Variants in PCSK5 observed in about 807,000 individuals in gnomAD.
PCSK5 encodes proprotein convertase subtilisin/kexin type 5.
A neutral mutation model predicts 233.2 loss-of-function variants in PCSK5; 129 were observed. The ratio of observed to expected loss-of-function variants is 0.55; its 90% CI spans 0.48 to 0.64. The LOEUF is 0.64. Among genes scored for constraint, PCSK5 ranks in the 30% least tolerant of loss-of-function variants. PCSK5 has a pLI of 0.00. For missense variants in PCSK5, 2,076 were observed against 2,430.1 expected (o/e 0.85, Z 3.06); for synonymous variants, 825 against 879.2 (o/e 0.94, Z 1.09).
At chr9:76,089,435 C>T (rs544880906) in intron 7 of PCSK5, among the ~76,000 whole-genome samples, 1 of 152,274 alleles carries the variant, frequency 6.6e-6, no homozygotes, top group Non-Finnish European at 1.5e-5. Context: ...CTACCACGTC[C>T]TAGTTATATG....
intron 3 of PCSK5, among the ~76,000 whole-genome samples, chr9:76,009,020 A>G (rs1176510100): frequency 2.0e-5 from 3 of 152,190 alleles, no homozygotes; most frequent in Non-Finnish European, 2.9e-5. Flanking sequence ...CTGAAATTCA[A>G]ATTTAACTGG....
chr9:75,907,485 G>C (rs1418937777), intron 1 of PCSK5, among the ~76,000 whole-genome samples: 1 of 152,148 alleles, frequency 6.6e-6, no homozygotes, highest in African/African-American at 2.4e-5. Context: ...AGGCTTCCTG[G>C]GAAATAGCCT....
At chr9:76,245,431 G>A (rs1826560493) in intron 24 of PCSK5, among the ~76,000 whole-genome samples, 1 of 152,148 alleles carries the variant, frequency 6.6e-6, no homozygotes, top group Admixed American at 6.5e-5. Flanking sequence ...TAAAAAAAGA[G>A]AACCTCTGGG....
intron 3 of PCSK5, among the ~76,000 whole-genome samples, chr9:76,017,493 G>A (rs1827998045): frequency 6.6e-6 from 1 of 152,162 alleles, no homozygotes; most frequent in Non-Finnish European, 1.5e-5. Context: ...GCAATTATCT[G>A]TGTTCAAACT....
rs1830430439 is a variant in PCSK5 at position 76,361,453 on chromosome 9, C to A, written c.*2531C>A. On this transcript the variant is annotated 3_prime_UTR_variant, in exon 38 of 38. Coordinates refer to ENST00000674117, the MANE Select transcript of PCSK5 (RefSeq NM_001372043.1). ...ATCCCAGCACTCTGGGAGGCTAAGGCAGGAGGATTGCTGACCCACCACCTG... is the reference window on the plus strand; with the variant it reads ...ATCCCAGCACTCTGGGAGGCTAAGGAAGGAGGATTGCTGACCCACCACCTG... 1.3e-5 allele frequency: 2 copies of A among 152,208 alleles called. No individual in the cohort carries two copies. Among genetic ancestry groups the A allele is most frequent in the Non-Finnish European group, 2.9e-5 (2 of 68,062 alleles). 9.4% of individuals were successfully genotyped at this position (152,208 alleles called of 1,614,324 possible).
chr9:76,190,009 C>A (rs1260041352), intron 20 of PCSK5, among the ~76,000 whole-genome samples: 1 of 152,044 alleles, frequency 6.6e-6, no homozygotes, highest in Non-Finnish European at 1.5e-5. Flanking sequence ...TTTTTGAGAG[C>A]AGTTTTAGAT....
intron 2 of PCSK5, among the ~76,000 whole-genome samples, chr9:75,978,599 G>C (rs568611557): frequency 2.6e-5 from 4 of 152,318 alleles, no homozygotes; most frequent in Non-Finnish European, 5.9e-5. Flanking sequence ...TGCTGCTACA[G>C]TAGGTGTAAA....
intron 24 of PCSK5, among the ~76,000 whole-genome samples, chr9:76,244,993 T>C (rs1198905053): frequency 6.6e-6 from 1 of 152,366 alleles, no homozygotes; most frequent in Admixed American, 6.5e-5. Flanking sequence ...TTTTAAATTA[T>C]ATTTCTTCAC....
At chr9:76,351,500 GAAAGAAAGAAAGA>G (rs1830142298) in intron 36 of PCSK5, among the ~76,000 whole-genome samples, 1 of 101,656 alleles carries the variant, frequency 9.8e-6, no homozygotes, top group African/African-American at 3.5e-5. Flanking sequence ...AAGAAAGAAA[GAAAGAAAGAAAGA>G]AAGAAAGAAA....
intron 2 of PCSK5, among the ~76,000 whole-genome samples, chr9:75,979,309 A>G (rs1177788219): frequency 1.3e-5 from 2 of 151,888 alleles, no homozygotes; most frequent in East Asian, 1.9e-4. Context: ...CAAGGGTACT[A>G]CCTCCAGATC....
intron 27 of PCSK5, among the ~76,000 whole-genome samples, chr9:76,297,914 AC>A (rs1420660556): frequency 1.3e-5 from 2 of 152,062 alleles, no homozygotes; most frequent in Non-Finnish European, 2.9e-5. Context: ...CAGCTCAGAG[AC>A]CGTGGAAAGC....
intron 25 of PCSK5, among the ~76,000 whole-genome samples, chr9:76,293,588 T>G (rs1243187302): frequency 1.3e-5 from 2 of 152,222 alleles, no homozygotes; most frequent in African/African-American, 2.4e-5. Context: ...TAGCTGGGAT[T>G]ATAGGTGCAC....
intron 5 of PCSK5, among the ~76,000 whole-genome samples, chr9:76,027,385 T>C (rs1460619894): frequency 6.6e-6 from 1 of 152,034 alleles, no homozygotes; most frequent in Non-Finnish European, 1.5e-5. Flanking sequence ...AAGAATTATT[T>C]TGTTCTGTTA....
intron 35 of PCSK5, among the ~76,000 whole-genome samples, chr9:76,347,173 C>G (rs1368439123): frequency 6.6e-6 from 1 of 151,720 alleles, no homozygotes; most frequent in Non-Finnish European, 1.5e-5. Context: ...ACCAAAGCCT[C>G]TTAACTCTCC....
chr9:76,127,785 T>C (rs961968006), intron 9 of PCSK5, among the ~76,000 whole-genome samples: 1 of 152,198 alleles, frequency 6.6e-6, no homozygotes, highest in Non-Finnish European at 1.5e-5. Flanking sequence ...GCCTATGATA[T>C]GCCAAGCTCT....
chr9:75,939,457 T>A (rs1049658959), intron 2 of PCSK5, among the ~76,000 whole-genome samples: 1 of 152,194 alleles, frequency 6.6e-6, no homozygotes, highest in Non-Finnish European at 1.5e-5. Flanking sequence ...CTAGTCTGTT[T>A]ATAAATTTTG....
chr9:75,934,172 T>C (rs1741257858), intron 2 of PCSK5, among the ~76,000 whole-genome samples: 1 of 145,728 alleles, frequency 6.9e-6, no homozygotes, highest in African/African-American at 2.5e-5. Flanking sequence ...GTGGGGCCAT[T>C]GCAGGCCAGC....
chr9:75,977,387 C>T (rs1203246704), intron 2 of PCSK5, among the ~76,000 whole-genome samples: 1 of 129,276 alleles, frequency 7.7e-6, no homozygotes, highest in East Asian at 2.8e-4. Flanking sequence ...CCGCCCCCCA[C>T]CCGCCACATA....
intron 24 of PCSK5, among the ~76,000 whole-genome samples, chr9:76,241,040 T>C (rs1826414855): frequency 6.6e-6 from 1 of 152,192 alleles, no homozygotes; most frequent in Admixed American, 6.5e-5. Context: ...ATTTGGAAGA[T>C]TAACAGTGAA....
Sources: allele counts gnomAD v4.1 joint callset (sites outside exome capture counted in the v4.1 genomes callset), GRCh38; gene constraint gnomAD v4.1.1; transcripts MANE v1.5; gene names NCBI Gene and HGNC (gene_info 2026-07-23, HGNC 2026-07-21).